Variants in ARHGAP22 observed in about 807,000 individuals in gnomAD.
ARHGAP22 encodes the protein rho GTPase-activating protein 22.
ARHGAP22 carries 48 observed loss-of-function variants against 59.1 expected under a neutral mutation model. That is an observed-to-expected ratio of 0.81 (90% confidence interval 0.64 to 1.03). The LOEUF is 1.03. ARHGAP22 is among the 50% of genes least tolerant of loss of function. The probability of loss-of-function intolerance (pLI) is 0.00; values close to 1 mark genes in which losing one functional copy is unlikely to be tolerated. For synonymous variants in ARHGAP22, 445 were observed against 416.4 expected (o/e 1.07, Z -0.84); for missense variants, 1,015 against 958.7 (o/e 1.06, Z -0.78).
At chr10:48,457,604 G>T (rs2046676578) in intron 5 of ARHGAP22, among the ~76,000 whole-genome samples, 1 of 152,194 alleles carries the variant, frequency 6.6e-6, no homozygotes, top group Non-Finnish European at 1.5e-5. Context: ...TGTCCTCAGA[G>T]CTCAGCAGCA....
upstream of ARHGAP22, among the ~76,000 whole-genome samples, chr10:48,607,282 C>T (rs926430874): frequency 1.3e-5 from 2 of 152,178 alleles, no homozygotes; most frequent in Admixed American, 1.3e-4. Flanking sequence ...TGTGTTCACT[C>T]GCCTGCTTTT....
At chr10:48,598,590 G>A (rs1363786750) in intron 1 of ARHGAP22, among the ~76,000 whole-genome samples, 1 of 152,150 alleles carries the variant, frequency 6.6e-6, no homozygotes, top group Non-Finnish European at 1.5e-5. Flanking sequence ...GCTCCCACTA[G>A]CATTTACCCT....
At chr10:48,591,534 G>C (rs1243832834) in intron 1 of ARHGAP22, among the ~76,000 whole-genome samples, 23 of 152,174 alleles carry the variant, frequency 1.5e-4, no homozygotes, top group Admixed American at 1.5e-3. Context: ...GCAGACTACA[G>C]CCATAAGATA....
chr10:48,594,643 C>T (rs751044205), intron 1 of ARHGAP22, among the ~76,000 whole-genome samples: 14 of 152,154 alleles, frequency 9.2e-5, no homozygotes, highest in Admixed American at 2.0e-4. Context: ...TTTGGAAGAC[C>T]GGCCTTGGGC....
chr10:48,555,491 T>C lies in ARHGAP22; in HGVS notation c.294A>G (p.Pro98=), dbSNP rs2057239383. Residue 98 remains proline, a synonymous_variant, in exon 3 of 10, where the codon CCA becomes CCG. Coordinates refer to ENST00000249601, the MANE Select transcript of ARHGAP22 (RefSeq NM_021226.4). The stretch of plus-strand genomic sequence containing the variant: ...GGCTGATCTCAAAGAGGTGCTTCCC[T>C]GGGTCCTCGGGGCCAGGAGGAAGTT... ...VTELPPGPED[P]GKHLFEISPG... is the part of the protein sequence containing the mutation. 6.2e-7 allele frequency: 1 copy of C among 1,614,078 alleles called. No homozygotes were observed. Among genetic ancestry groups the C allele is most frequent in the African/African-American group, 1.3e-5 (1 of 74,944 alleles).
rs936098913 is a variant in ARHGAP22 at position 48,453,430 on chromosome 10, A to C, written c.867-5T>G. The C allele has an allele frequency of 1.2e-6, 2 of 1,613,424 alleles. No individual in the cohort carries two copies. The highest frequency in any genetic ancestry group is 1.7e-6 in the Non-Finnish European group (2 of 1,179,702). Reference sequence around the variant, plus strand: ...GCCTGAACTTCATCCAGAAACCTGCAAAGTAAGGAAGCAGCAGTCATCAAA... The same window carrying C: ...GCCTGAACTTCATCCAGAAACCTGCCAAGTAAGGAAGCAGCAGTCATCAAA... On this transcript the variant is annotated splice_polypyrimidine_tract_variant and splice_region_variant and intron_variant, in intron 7 of 9. Coordinates refer to ENST00000249601, the MANE Select transcript of ARHGAP22 (RefSeq NM_021226.4).
In ARHGAP22 at chr10:48,592,838, C is replaced by T. The variant is rs368252246; in HGVS notation, c.35-9686G>A. On this transcript the variant is annotated intron_variant, in intron 1 of 9. Coordinates refer to ENST00000249601, the MANE Select transcript of ARHGAP22 (RefSeq NM_021226.4). Reference sequence around the variant, plus strand: ...GCTCCCAGCTGCTTTGTTTCTCACCCGAGTTACTGCTGCAGCCTCTTCAAA... The same window carrying T: ...GCTCCCAGCTGCTTTGTTTCTCACCTGAGTTACTGCTGCAGCCTCTTCAAA... Among the ~76,000 whole-genome samples, 135 of 152,296 alleles carry T rather than the reference C, an allele frequency of 8.9e-4. 1 individual carries two copies. In the East Asian group the frequency reaches 0.011, roughly 12 times the overall value.
chr10:48,497,706 C>G lies in ARHGAP22; in HGVS notation c.323-17942G>C, dbSNP rs994708790. On this transcript the variant is annotated intron_variant, in intron 3 of 9. Transcript: ENST00000249601. ...CCTGTGGTCTCACCATCCACCTGCC[C>G]TGTCTTCCAGGTCCCCCTTGGCCAC... Among the ~76,000 whole-genome samples, 8 of 152,180 alleles carry G rather than the reference C, an allele frequency of 5.3e-5. 1 individual carries two copies.
intron 3 of ARHGAP22, among the ~76,000 whole-genome samples, chr10:48,513,297 T>C (rs957855612): frequency 6.6e-6 from 1 of 152,118 alleles, no homozygotes; most frequent in African/African-American, 2.4e-5. Context: ...CATGATATAC[T>C]CCTAGAGATC....
At chr10:48,627,995 G>A (rs1023056510) in intron 1 of ARHGAP22, among the ~76,000 whole-genome samples, 4 of 152,214 alleles carry the variant, frequency 2.6e-5, no homozygotes, top group Admixed American at 6.5e-5. Context: ...CAAGTAAAAC[G>A]TATTAACACA....
In ARHGAP22 at chr10:48,451,092, CTG is replaced by C; in HGVS notation, c.1035_1036del (p.His345GlnfsTer260). On this transcript the variant is annotated frameshift_variant, in exon 9 of 10. Transcript: ENST00000249601. LOFTEE classifies it high-confidence loss of function. ...CGGGACCGGTGCCGTGAAGAGCTGG[CTG>C]TGTTTGCGGATGAGGACGGTCATCA... is the stretch of plus-strand genomic sequence containing the variant. 6.4e-7 allele frequency: 1 copy of C among 1,553,214 alleles called. No homozygotes were observed. Among genetic ancestry groups the C allele is most frequent in the Non-Finnish European group, 8.7e-7 (1 of 1,148,240 alleles).
At chr10:48,595,231 G>A (rs113835605) in intron 1 of ARHGAP22, among the ~76,000 whole-genome samples, 33 of 152,282 alleles carry the variant, frequency 2.2e-4, no homozygotes, top group African/African-American at 7.0e-4. Flanking sequence ...TTTTAAAGCC[G>A]GGCTGGGAAA....
rs1408423077 is a variant in ARHGAP22, at chr10:48,450,666, C to G, written c.1463G>C (p.Arg488Thr). 1 of 1,550,528 alleles carries G rather than the reference C, an allele frequency of 6.4e-7. No individual in the cohort carries two copies. The highest frequency in any genetic ancestry group is 8.7e-7 in the Non-Finnish European group (1 of 1,147,116). ...GGGCACATTGTCGTAGGTGGAGAGTCTCTGCACGGAGCCCGAGTCCTTGAG... is the reference window on the plus strand; with the variant it reads ...GGGCACATTGTCGTAGGTGGAGAGTGTCTGCACGGAGCCCGAGTCCTTGAG... ...DRLKDSGSVQ[R>T]LSTYDNVPAP... Residue 488 changes from arginine to threonine, a missense_variant, in exon 9 of 10, where the codon AGA (arginine) becomes ACA (threonine). Transcript: ENST00000249601.
intron 2 of ARHGAP22, among the ~76,000 whole-genome samples, chr10:48,571,490 C>A (rs945135332): frequency 1.8e-4 from 28 of 152,160 alleles, no homozygotes; most frequent in Non-Finnish European, 4.0e-4. Context: ...CCTGGTCTGA[C>A]CATGGAAAAG....
At chr10:48,603,633 A>G (rs190792730) in intron 1 of ARHGAP22, among the ~76,000 whole-genome samples, 3 of 152,210 alleles carry the variant, frequency 2.0e-5, no homozygotes, top group African/African-American at 4.8e-5. Flanking sequence ...GGCTTGTCCT[A>G]TCCCTTGGGT....
intron 3 of ARHGAP22, among the ~76,000 whole-genome samples, chr10:48,495,914 CTG>C (rs1486814194): frequency 4.2e-4 from 64 of 152,248 alleles, no homozygotes; most frequent in Non-Finnish European, 9.0e-4. Context: ...CAGCAAGGGA[CTG>C]TGGTGGTCTG....
At chr10:48,508,872 C>T (rs1001289637) in intron 3 of ARHGAP22, among the ~76,000 whole-genome samples, 7 of 152,258 alleles carry the variant, frequency 4.6e-5, no homozygotes, top group African/African-American at 1.7e-4. Context: ...TGCTAACTAA[C>T]AGTGACACCA....
intron 3 of ARHGAP22, among the ~76,000 whole-genome samples, chr10:48,506,461 T>C (rs1423246410): frequency 6.6e-6 from 1 of 152,180 alleles, no homozygotes; most frequent in African/African-American, 2.4e-5. Flanking sequence ...TATAATAGGA[T>C]CACTGTCACA....
At chr10:48,603,887 A>G (rs2060528995) in intron 1 of ARHGAP22, among the ~76,000 whole-genome samples, 3 of 152,212 alleles carry the variant, frequency 2.0e-5, no homozygotes, top group African/African-American at 4.8e-5. Flanking sequence ...ACCTGGTGAG[A>G]CACAAACTGT....
Sources: allele counts gnomAD v4.1 joint callset (sites outside exome capture counted in the v4.1 genomes callset), GRCh38; gene constraint gnomAD v4.1.1; transcripts MANE v1.5; gene names NCBI Gene and HGNC (gene_info 2026-07-23, HGNC 2026-07-21).